RNF24: variants seen among roughly 807,000 people sequenced by gnomAD.
RNF24 encodes ring finger protein 24.
Under a neutral mutation model 20.0 loss-of-function variants are expected in RNF24, and 14 were observed. The ratio of observed to expected loss-of-function variants is 0.70; its 90% CI spans 0.46 to 1.10. The LOEUF is 1.10. Ranked by LOEUF, RNF24 falls within the 50% of genes least tolerant of loss-of-function variation. The pLI is 0.00. For missense variants in RNF24, 124 were observed against 177.6 expected (o/e 0.70, Z 1.71); for synonymous variants, 45 against 61.1 (o/e 0.74, Z 1.23).
chr20:3,968,838 G>T (rs934433515), intron 1 of RNF24, among the ~76,000 whole-genome samples: 2 of 151,858 alleles, frequency 1.3e-5, no homozygotes, highest in Non-Finnish European at 2.9e-5. Flanking sequence ...TTAAAAATAA[G>T]ACCTATATTT....
intron 2 of RNF24, among the ~76,000 whole-genome samples, chr20:3,950,696 A>G (rs2146966269): frequency 6.6e-6 from 1 of 152,354 alleles, no homozygotes; most frequent in Admixed American, 6.5e-5. Flanking sequence ...GAATTCACAT[A>G]TACCTTTCTA....
chr20:4,008,354 ATG>A (rs1436007086), intron 1 of RNF24, among the ~76,000 whole-genome samples: 7 of 31,260 alleles, frequency 2.2e-4, no homozygotes, highest in African/African-American at 9.4e-4. Flanking sequence ...TACATGTAAT[ATG>A]TATAATATAT....
At position 3,977,204 on chromosome 20, in the gene RNF24, T is replaced by C. The variant is rs1014675251; in HGVS notation, c.-7-13180A>G. On this transcript the variant is annotated intron_variant, in intron 1 of 5. Coordinates refer to ENST00000358395, the MANE Select transcript of RNF24 (RefSeq NM_001134337.3). The stretch of plus-strand genomic sequence containing the variant: ...TCATTCCACTAATTAAAATCCCCCA[T>C]AGTAATCTAGATTAAGGCTTCAGGT... Among the ~76,000 whole-genome samples the C allele has an allele frequency of 2.0e-5, 3 of 152,194 alleles. No individual in the cohort carries two copies. In the East Asian group the frequency reaches 5.8e-4, roughly 29 times the overall value.
chr20:3,953,973 T>G (rs1474948374), intron 2 of RNF24, among the ~76,000 whole-genome samples: 1 of 151,748 alleles, frequency 6.6e-6, no homozygotes, highest in Non-Finnish European at 1.5e-5. Context: ...GCCAGGCTGG[T>G]CTCGAACTCC....
chr20:3,988,344 T>C (rs1295614484), intron 1 of RNF24, among the ~76,000 whole-genome samples: 1 of 147,272 alleles, frequency 6.8e-6, no homozygotes, highest in Non-Finnish European at 1.5e-5. Context: ...ATAAATAAAA[T>C]AAAAAATAAA....
intron 4 of RNF24, among the ~76,000 whole-genome samples, chr20:3,941,719 G>A (rs1037871184): frequency 1.3e-5 from 2 of 152,110 alleles, no homozygotes; most frequent in South Asian, 2.1e-4. Flanking sequence ...AAAGAAACAT[G>A]ACCCAACTAT....
At chr20:3,978,251 C>G (rs564072009) in intron 1 of RNF24, among the ~76,000 whole-genome samples, 497 of 151,822 alleles carry the variant, frequency 3.3e-3, no homozygotes, top group African/African-American at 0.012. Flanking sequence ...TTGGCCAGGC[C>G]GGTCTTGAAG....
In RNF24 at chr20:4,008,373, T is replaced by TA. The variant is rs1982073724; in HGVS notation, c.-8+7063dup. ...TGTAATATGTATAATATATATATTATATATATAATATATATATTATATATG... is the reference window on the plus strand; with the variant it reads ...TGTAATATGTATAATATATATATTATAATATATAATATATATATTATATATG... On this transcript the variant is annotated intron_variant, in intron 1 of 5. Transcript: ENST00000358395. Among the ~76,000 whole-genome samples the TA allele has an allele frequency of 6.4e-4, 6 of 9,402 alleles. 1 individual carries two copies. The highest frequency in any genetic ancestry group is 2.1e-3 in the East Asian group (3 of 1,450). The allele number at this position is 9,402 out of a possible 152,430, so 6.2% of individuals were successfully genotyped here.
chr20:3,942,204 T>C (rs542467590), intron 4 of RNF24, among the ~76,000 whole-genome samples: 12 of 151,510 alleles, frequency 7.9e-5, no homozygotes, highest in African/African-American at 2.4e-4. Context: ...GTTCTTGCCC[T>C]GTCACCCAGG....
chr20:3,933,087 T>C lies in RNF24; in HGVS notation c.*976A>G, dbSNP rs1359331575. The C allele has an allele frequency of 9.3e-5, 26 of 280,420 alleles. No homozygotes were observed. The highest frequency in any genetic ancestry group is 2.4e-4 in the Admixed American group (3 of 12,476). The allele number at this position is 280,420 out of a possible 1,614,324, so 17.4% of individuals were successfully genotyped here. ...GCTTTTTTTTTTTTTTTTTTTTTTT[T>C]CTGAAGTAGAAAGAGAGATAGGGCA... On this transcript the variant is annotated 3_prime_UTR_variant, in exon 6 of 6. Coordinates refer to ENST00000358395, the MANE Select transcript of RNF24 (RefSeq NM_001134337.3).
At chr20:4,008,444 A>T (rs1316515368) in intron 1 of RNF24, among the ~76,000 whole-genome samples, 2 of 8,884 alleles carry the variant, frequency 2.3e-4, no homozygotes, top group East Asian at 1.5e-3. Flanking sequence ...AATATGTATA[A>T]TATATATAAT....
intron 2 of RNF24, among the ~76,000 whole-genome samples, chr20:3,952,695 T>C (rs1294467401): frequency 1.3e-5 from 2 of 151,838 alleles, no homozygotes; most frequent in South Asian, 4.1e-4. Context: ...TCTTTAGATA[T>C]TTTTTGTAGA....
At chr20:3,973,560 T>C (rs576050692) in intron 1 of RNF24, among the ~76,000 whole-genome samples, 2 of 119,004 alleles carry the variant, frequency 1.7e-5, no homozygotes, top group Non-Finnish European at 3.6e-5. Flanking sequence ...AACAATTAAA[T>C]AGGAGAGATC....
At chr20:3,971,300 T>C (rs1047690227) in intron 1 of RNF24, among the ~76,000 whole-genome samples, 4 of 152,034 alleles carry the variant, frequency 2.6e-5, no homozygotes, top group Non-Finnish European at 2.9e-5. Flanking sequence ...AAACAGGAAA[T>C]CAAGACAGCC....
intron 1 of RNF24, among the ~76,000 whole-genome samples, chr20:3,996,701 T>C (rs1980896324): frequency 6.6e-6 from 1 of 152,220 alleles, no homozygotes; most frequent in Non-Finnish European, 1.5e-5. Context: ...CATGAAGTTG[T>C]CTGGGAATCA....
chr20:3,948,133 C>T lies in RNF24; in HGVS notation c.186+104G>A. 4 of 771,920 alleles carry T rather than the reference C, an allele frequency of 5.2e-6. No homozygotes were observed. The South Asian group carries it at 6.5e-5, about 13-fold the overall frequency. 47.8% of individuals were successfully genotyped at this position (771,920 alleles called of 1,614,324 possible). A position where few individuals can be genotyped will look rare whatever the true frequency, so the allele number is the denominator to read the frequency against. ...ATTGGCAGTGAGATGCTAAAATGAA[C>T]ACAAGTAAATTCAGTCCCAGTTTAA... On this transcript the variant is annotated intron_variant, in intron 3 of 5. Transcript: ENST00000358395.
At chr20:3,975,037 T>C (rs2147012515) in intron 1 of RNF24, among the ~76,000 whole-genome samples, 1 of 152,318 alleles carries the variant, frequency 6.6e-6, no homozygotes, top group East Asian at 1.9e-4. Flanking sequence ...AGACACTGAT[T>C]GGTTTTAGCA....
intron 1 of RNF24, among the ~76,000 whole-genome samples, chr20:3,969,353 G>A (rs2091290375): frequency 6.6e-6 from 1 of 152,010 alleles, no homozygotes; most frequent in Non-Finnish European, 1.5e-5. Flanking sequence ...AAAAACCATG[G>A]ACATTAAGTT....
At chr20:3,974,085 A>C (rs1044144008) in intron 1 of RNF24, among the ~76,000 whole-genome samples, 1 of 151,960 alleles carries the variant, frequency 6.6e-6, no homozygotes, top group Non-Finnish European at 1.5e-5. Context: ...AAATCAATGT[A>C]ATCTATCCAT....
Sources: gnomAD v4.1 joint callset for allele counts (sites outside exome capture counted in the v4.1 genomes callset) on GRCh38, gnomAD v4.1.1 for gene constraint, MANE v1.5 for transcripts, NCBI Gene and HGNC (gene_info 2026-07-23, HGNC 2026-07-21) for gene names.